TAFA1: variants seen among roughly 807,000 people sequenced by gnomAD.
TAFA1 encodes TAFA chemokine like family member 1.
In TAFA1, 4 loss-of-function variants were observed where a neutral mutation model predicts 18.5. The ratio of observed to expected loss-of-function variants is 0.22; its 90% CI spans 0.11 to 0.49. The LOEUF is 0.49. Among genes scored for constraint, TAFA1 ranks in the 20% least tolerant of loss-of-function variants. The probability of loss-of-function intolerance (pLI) is 0.98; values close to 1 mark genes in which losing one functional copy is unlikely to be tolerated. For synonymous variants in TAFA1, 56 were observed against 55.2 expected (o/e 1.01, Z -0.06); for missense variants, 147 against 169.0 (o/e 0.87, Z 0.72).
At chr3:68,148,690 T>C (rs2065771243) in intron 2 of TAFA1, among the ~76,000 whole-genome samples, 1 of 152,122 alleles carries the variant, frequency 6.6e-6, no homozygotes, top group Non-Finnish European at 1.5e-5. Flanking sequence ...GCCTCCTGAT[T>C]CATCCTCATC....
chr3:68,427,083 C>T (rs185920011), intron 3 of TAFA1, among the ~76,000 whole-genome samples: 135 of 151,880 alleles, frequency 8.9e-4, no homozygotes, highest in Non-Finnish European at 1.3e-3. Context: ...CATGGCACAG[C>T]ACACCCAAAA....
intron 1 of TAFA1, among the ~76,000 whole-genome samples, chr3:68,005,057 T>C (rs1472603652): frequency 1.3e-5 from 2 of 152,128 alleles, no homozygotes; most frequent in African/African-American, 4.8e-5. Context: ...TGGATGAATT[T>C]CCAGTACATT....
chr3:68,036,061 G>C (rs1414613825), intron 2 of TAFA1, among the ~76,000 whole-genome samples: 2 of 152,150 alleles, frequency 1.3e-5, no homozygotes, highest in African/African-American at 4.8e-5. Context: ...GTGGGAAGGT[G>C]ATGGAAATGC....
chr3:68,540,216 A>AC (rs1251539904), intron 4 of TAFA1, among the ~76,000 whole-genome samples: 15 of 151,656 alleles, frequency 9.9e-5, no homozygotes, highest in African/African-American at 3.4e-4. Context: ...GCCTTTTTTG[A>AC]CCCCCTTGAC....
At chr3:68,386,730 G>A (rs531637042) in intron 2 of TAFA1, among the ~76,000 whole-genome samples, 126 of 152,250 alleles carry the variant, frequency 8.3e-4, no homozygotes, top group South Asian at 3.9e-3. Context: ...GGCCTCTTGG[G>A]TGTCTGCTCT....
chr3:68,296,609 C>T (rs2068212560), intron 2 of TAFA1, among the ~76,000 whole-genome samples: 1 of 151,990 alleles, frequency 6.6e-6, no homozygotes, highest in African/African-American at 2.4e-5. Context: ...TGCATAGGCC[C>T]TTAACAAACT....
intron 3 of TAFA1, among the ~76,000 whole-genome samples, chr3:68,437,794 A>G (rs1323758959): frequency 6.6e-6 from 1 of 152,120 alleles, no homozygotes; most frequent in African/African-American, 2.4e-5. Flanking sequence ...AAACCATAGC[A>G]TTCTACCCCT....
At chr3:68,219,234 C>T (rs2066700788) in intron 2 of TAFA1, among the ~76,000 whole-genome samples, 1 of 152,074 alleles carries the variant, frequency 6.6e-6, no homozygotes, top group Non-Finnish European at 1.5e-5. Flanking sequence ...CCCTCCAGAA[C>T]AGTTTCCTTA....
At chr3:68,270,299 A>G (rs1239221276) in intron 2 of TAFA1, among the ~76,000 whole-genome samples, 1 of 152,142 alleles carries the variant, frequency 6.6e-6, no homozygotes, top group Non-Finnish European at 1.5e-5. Context: ...ATGACAGATT[A>G]TCAGAACATG....
At chr3:68,145,289 C>T in intron 2 of TAFA1, 1 of 789,050 alleles carries the variant, frequency 1.3e-6, no homozygotes, top group East Asian at 2.4e-5. Flanking sequence ...CATCAACGCT[C>T]ATCAGTGGTC....
At chr3:68,167,596 C>T (rs1228200976) in intron 2 of TAFA1, among the ~76,000 whole-genome samples, 4 of 138,228 alleles carry the variant, frequency 2.9e-5, no homozygotes, top group African/African-American at 5.5e-5. Context: ...ACAAAAAAAA[C>T]AGAAGAAGAA....
chr3:68,397,484 C>G (rs1225299238), intron 2 of TAFA1, among the ~76,000 whole-genome samples: 5 of 152,196 alleles, frequency 3.3e-5, no homozygotes, highest in African/African-American at 1.2e-4. Context: ...CTGCAAAGGA[C>G]ATAAACTCAT....
At chr3:68,387,610 A>T (rs573370887) in intron 2 of TAFA1, among the ~76,000 whole-genome samples, 1 of 152,210 alleles carries the variant, frequency 6.6e-6, no homozygotes, top group South Asian at 2.1e-4. Flanking sequence ...TAAAGGCATG[A>T]TGATGTATTA....
At chr3:68,136,458 T>G (rs1482827669) in intron 2 of TAFA1, among the ~76,000 whole-genome samples, 1 of 152,162 alleles carries the variant, frequency 6.6e-6, no homozygotes, top group Non-Finnish European at 1.5e-5. Context: ...GTATTTATAT[T>G]AGTGGGGACA....
At chr3:67,998,211 T>C in the TAFA1 span, among the ~76,000 whole-genome samples, 1 of 152,352 alleles carries the variant, frequency 6.6e-6, no homozygotes, top group East Asian at 1.9e-4. Flanking sequence ...AAATTTTTAG[T>C]TTAGATCTTA....
chr3:68,298,215 A>C (rs2068244921), intron 2 of TAFA1, among the ~76,000 whole-genome samples: 1 of 152,186 alleles, frequency 6.6e-6, no homozygotes, highest in Non-Finnish European at 1.5e-5. Flanking sequence ...AGAGGTGGAC[A>C]CTACTTCTAG....
chr3:68,520,213 C>A (rs1292067318), intron 3 of TAFA1, among the ~76,000 whole-genome samples: 1 of 152,116 alleles, frequency 6.6e-6, no homozygotes, highest in African/African-American at 2.4e-5. Context: ...TTCTTTAGAC[C>A]TGTCTTCTCC....
intron 2 of TAFA1, among the ~76,000 whole-genome samples, chr3:68,396,216 A>C (rs1353404179): frequency 1.3e-5 from 2 of 152,142 alleles, no homozygotes; most frequent in Non-Finnish European, 2.9e-5. Context: ...ATTTTAAGAC[A>C]AATTTTAAAA....
At chr3:68,315,099 C>T (rs1247276503) in intron 2 of TAFA1, among the ~76,000 whole-genome samples, 1 of 151,952 alleles carries the variant, frequency 6.6e-6, no homozygotes. Context: ...AACAGAGGCC[C>T]CAACCATTTT....
Sources: gnomAD v4.1 joint callset for allele counts (sites outside exome capture counted in the v4.1 genomes callset) on GRCh38, gnomAD v4.1.1 for gene constraint, MANE v1.5 for transcripts, NCBI Gene and HGNC (gene_info 2026-07-23, HGNC 2026-07-21) for gene names.